GRM1: variants seen among roughly 807,000 people sequenced by gnomAD.
The protein encoded by GRM1 is glutamate metabotropic receptor 1, also known as metabotropic glutamate receptor 1.
A neutral mutation model predicts 90.9 loss-of-function variants in GRM1; 33 were observed. That is an observed-to-expected ratio of 0.36 (90% CI 0.28 to 0.49). The LOEUF (loss-of-function observed/expected upper bound fraction) is 0.49. Ranked by LOEUF, GRM1 falls within the 20% of genes least tolerant of loss-of-function variation. The pLI is 0.99. For synonymous variants in GRM1, 700 were observed against 613.2 expected (o/e 1.14, Z -2.09); for missense variants, 1,190 against 1,534.3 (o/e 0.78, Z 3.75).
chr6:146,377,729 T>TA (rs1156766315), intron 5 of GRM1, among the ~76,000 whole-genome samples: 4 of 152,120 alleles, frequency 2.6e-5, no homozygotes, highest in Admixed American at 2.6e-4. Context: ...GAGATACCTT[T>TA]AGGGCAGCCC....
At chr6:146,126,287 C>T (rs530069525) in intron 1 of GRM1, among the ~76,000 whole-genome samples, 1 of 152,038 alleles carries the variant, frequency 6.6e-6, no homozygotes, top group Admixed American at 6.6e-5. Flanking sequence ...CATAATATTT[C>T]TAAAGTAGAG....
At chr6:146,052,248 C>A (rs935458442) in intron 1 of GRM1, among the ~76,000 whole-genome samples, 17 of 151,966 alleles carry the variant, frequency 1.1e-4, no homozygotes, top group African/African-American at 4.1e-4. Flanking sequence ...TATTACATTC[C>A]ATTTTCTTAG....
intron 5 of GRM1, among the ~76,000 whole-genome samples, chr6:146,382,622 A>T (rs1447161166): frequency 6.6e-6 from 1 of 152,090 alleles, no homozygotes; most frequent in East Asian, 1.9e-4. Flanking sequence ...TTTTTCACAG[A>T]CATATGTAAG....
At position 146,398,774 on chromosome 6, in the gene GRM1, G is replaced by A. The variant is rs547924491; in HGVS notation, c.1735G>A (p.Glu579Lys). ...WWPNADLTGC[E>K]PIPVRYLEWS... Reference sequence around the variant, plus strand: ...AATGATTTTTCTCATCACAGGCTGTGAGCCCATTCCTGTGCGCTATCTTGA... The same window carrying A: ...AATGATTTTTCTCATCACAGGCTGTAAGCCCATTCCTGTGCGCTATCTTGA... Residue 579 changes from glutamate to lysine, a missense_variant, in exon 7 of 8, where the codon GAG (glutamate) becomes AAG (lysine). Glu to Lys is a moderately conservative substitution (Grantham distance 56). Transcript: ENST00000282753. 6.2e-7 allele frequency: 1 copy of A among 1,608,970 alleles called. No individual in the cohort carries two copies. The highest frequency in any genetic ancestry group is 1.1e-5 in the South Asian group (1 of 90,976).
chr6:146,362,068 T>C (rs1441086985), intron 5 of GRM1, among the ~76,000 whole-genome samples: 3 of 152,140 alleles, frequency 2.0e-5, no homozygotes, highest in African/African-American at 7.2e-5. Context: ...TCTTCCCCTC[T>C]CTCCTCTCTC....
At chr6:146,344,408 A>G (rs1785097707) in intron 3 of GRM1, among the ~76,000 whole-genome samples, 1 of 152,180 alleles carries the variant, frequency 6.6e-6, no homozygotes, top group Admixed American at 6.5e-5. Flanking sequence ...GTTTCTGTAA[A>G]TATGCCCTTT....
chr6:146,250,467 A>G (rs556693076), intron 2 of GRM1, among the ~76,000 whole-genome samples: 8 of 152,260 alleles, frequency 5.3e-5, no homozygotes, highest in African/African-American at 1.9e-4. Flanking sequence ...GTGCTTCCCC[A>G]CTAACCATCC....
intron 2 of GRM1, among the ~76,000 whole-genome samples, chr6:146,287,312 A>G (rs1178495575): frequency 7.2e-5 from 11 of 152,194 alleles, no homozygotes; most frequent in Admixed American, 7.2e-4. Flanking sequence ...TCAGGGTCCT[A>G]GATAAGTCCT....
intron 7 of GRM1, among the ~76,000 whole-genome samples, chr6:146,420,274 A>G (rs546200502): frequency 3.9e-5 from 6 of 152,234 alleles, no homozygotes; most frequent in Non-Finnish European, 8.8e-5. Flanking sequence ...GCTCCCTGAC[A>G]AGATATTTTC....
At chr6:146,202,971 G>T (rs143524845) in intron 2 of GRM1, among the ~76,000 whole-genome samples, 2,900 of 152,082 alleles carry the variant, frequency 0.019, 38 homozygotes, top group Admixed American at 0.027. Flanking sequence ...CAAGGCGGGC[G>T]GATCACGAGG....
At chr6:146,319,276 T>C (rs541164808) in intron 3 of GRM1, among the ~76,000 whole-genome samples, 2 of 152,312 alleles carry the variant, frequency 1.3e-5, no homozygotes, top group South Asian at 2.1e-4. Flanking sequence ...CAGATGGTTG[T>C]ACATGTGTTG....
At chr6:146,146,148 G>T (rs1361943540) in intron 1 of GRM1, among the ~76,000 whole-genome samples, 2 of 59,008 alleles carry the variant, frequency 3.4e-5, no homozygotes, top group East Asian at 6.1e-4. Flanking sequence ...TTGAGACGTG[G>T]CGCCATCTCG....
At chr6:146,212,246 C>T (rs540563907) in intron 2 of GRM1, among the ~76,000 whole-genome samples, 1 of 152,302 alleles carries the variant, frequency 6.6e-6, no homozygotes, top group East Asian at 1.9e-4. Flanking sequence ...TGTAGCCTAG[C>T]TAAGTTGACA....
intron 2 of GRM1, among the ~76,000 whole-genome samples, chr6:146,298,152 T>G (rs1783249476): frequency 6.6e-6 from 1 of 152,154 alleles, no homozygotes; most frequent in Non-Finnish European, 1.5e-5. Flanking sequence ...ACCCCTAACT[T>G]CTTATTATTC....
At chr6:146,243,400 T>C (rs1404426803) in intron 2 of GRM1, among the ~76,000 whole-genome samples, 1 of 152,100 alleles carries the variant, frequency 6.6e-6, no homozygotes, top group Admixed American at 6.6e-5. Flanking sequence ...CAGAATCCTA[T>C]CTCTGGAATG....
chr6:146,425,824 T>TA (rs11451523), intron 7 of GRM1, among the ~76,000 whole-genome samples: 77,941 of 151,948 alleles, frequency 0.51, 20,056 homozygotes, highest in South Asian at 0.6. Context: ...GAAATGCACT[T>TA]ATCCTTATTC....
intron 1 of GRM1, among the ~76,000 whole-genome samples, chr6:146,129,462 G>A (rs1562481629): frequency 1.3e-5 from 2 of 152,132 alleles, no homozygotes; most frequent in Non-Finnish European, 2.9e-5. Context: ...CTTGTCCTAC[G>A]TGAAGCCTTC....
At chr6:146,213,408 G>A (rs1049773119) in intron 2 of GRM1, among the ~76,000 whole-genome samples, 1 of 152,018 alleles carries the variant, frequency 6.6e-6, no homozygotes, top group Non-Finnish European at 1.5e-5. Flanking sequence ...AAGCAAGAAG[G>A]GGGCAGATTT....
chr6:146,380,759 C>T (rs527442295), intron 5 of GRM1, among the ~76,000 whole-genome samples: 31 of 152,134 alleles, frequency 2.0e-4, no homozygotes, highest in African/African-American at 7.5e-4. Flanking sequence ...CTCAGAGGCT[C>T]GCTCAAGGCC....
Sources: gnomAD v4.1 joint callset for allele counts (sites outside exome capture counted in the v4.1 genomes callset) on GRCh38, gnomAD v4.1.1 for gene constraint, MANE v1.5 for transcripts, NCBI Gene and HGNC (gene_info 2026-07-23, HGNC 2026-07-21) for gene names.